The following ESCO2 variants were observed in gnomAD, a reference collection of about 807,000 sequenced individuals.
ESCO2 encodes the protein N-acetyltransferase ESCO2.
In ESCO2, 51 loss-of-function variants were observed where a neutral mutation model predicts 61.7. The ratio of observed to expected loss-of-function variants is 0.83; its 90% CI spans 0.66 to 1.04. The LOEUF (loss-of-function observed/expected upper bound fraction) is 1.04, where lower values mean the gene tolerates loss of function less well. Ranked by LOEUF, ESCO2 falls within the 50% of genes least tolerant of loss-of-function variation. The pLI is 0.00. For missense variants in ESCO2, 692 were observed against 686.2 expected (o/e 1.01, Z -0.09); for synonymous variants, 230 against 238.2 (o/e 0.97, Z 0.32).
downstream of ESCO2, chr8:27,810,847 G>T: frequency 4.1e-6 from 3 of 731,482 alleles, no homozygotes; most frequent in South Asian, 5.5e-5. Flanking sequence ...TTAAACCTTG[G>T]TGGTACCAAA....
Position 27,803,919 on chromosome 8 carries a change from T to G in ESCO2, c.*481T>G. 1.0e-6 allele frequency: 1 copy of G among 977,662 alleles called. No individual in the cohort carries two copies. Among genetic ancestry groups the G allele is most frequent in the Non-Finnish European group, 1.2e-6 (1 of 823,270 alleles). The allele number at this position is 977,662 out of a possible 1,614,324, so 60.6% of individuals were successfully genotyped here. A position where few individuals can be genotyped will look rare whatever the true frequency, so the allele number is the denominator to read the frequency against. On this transcript the variant is annotated 3_prime_UTR_variant, in exon 11 of 11. Coordinates refer to ENST00000305188, the MANE Select transcript of ESCO2 (RefSeq NM_001017420.3). ...GAATTCCTGAATTTTTTTTTTTTTTTAATAGAGGCATGGGTCTCACTGTGT... is the reference window on the plus strand; with the variant it reads ...GAATTCCTGAATTTTTTTTTTTTTTGAATAGAGGCATGGGTCTCACTGTGT...
At chr8:27,796,301 T>C (rs185496300) in intron 9 of ESCO2, among the ~76,000 whole-genome samples, 11 of 152,242 alleles carry the variant, frequency 7.2e-5, no homozygotes, top group Non-Finnish European at 1.0e-4. Flanking sequence ...ATTTGTGATT[T>C]TGTTTAGTTG....
In ESCO2 at chr8:27,803,519, CAAAAT is replaced by C; in HGVS notation, c.*86_*90del. On this transcript the variant is annotated 3_prime_UTR_variant, in exon 11 of 11. Transcript: ENST00000305188. ...TTATAAAATACAAACTATTTAATAT[CAAAAT>C]AAAAAATACCGAGACTCACACTCAT... 6 of 1,526,508 alleles carry C rather than the reference CAAAAT, an allele frequency of 3.9e-6. No individual in the cohort carries two copies. Among genetic ancestry groups the C allele is most frequent in the South Asian group, 1.2e-5 (1 of 85,016 alleles). 94.6% of individuals were successfully genotyped at this position (1,526,508 alleles called of 1,614,324 possible).
At chr8:27,783,347 T>C (rs952423691) in intron 4 of ESCO2, among the ~76,000 whole-genome samples, 25 of 152,340 alleles carry the variant, frequency 1.6e-4, no homozygotes, top group African/African-American at 5.8e-4. Context: ...CCATAAGCAT[T>C]CTTTATATAT....
chr8:27,776,607 A>T lies in ESCO2; in HGVS notation c.299A>T (p.Lys100Met). 1 of 1,614,138 alleles carries T rather than the reference A, an allele frequency of 6.2e-7. No homozygotes were observed. The highest frequency in any genetic ancestry group is 1.1e-5 in the South Asian group (1 of 91,078). Reference protein sequence around the residue: ...NKWYLNPLERKLIKESRSTCL... With the variant: ...NKWYLNPLERMLIKESRSTCL... ...TGGTACCTCAATCCACTGGAGAGAA[A>T]GCTGATAAAAGAGAGTAGATCTACT... is the stretch of plus-strand genomic sequence containing the variant. The change falls in exon 3 of 11, where the codon AAG becomes ATG. Residue 100 changes from lysine (K) to methionine (M), a missense_variant. Transcript: ENST00000305188.
chr8:27,810,857 A>G (rs1238780654), downstream of ESCO2: 1 of 769,606 alleles, frequency 1.3e-6, no homozygotes, highest in Non-Finnish European at 2.1e-6. Context: ...GTGGTACCAA[A>G]TCAGTCATCA....
downstream of ESCO2, among the ~76,000 whole-genome samples, chr8:27,805,497 T>C (rs959190224): frequency 6.6e-6 from 1 of 152,082 alleles, no homozygotes; most frequent in African/African-American, 2.4e-5. Flanking sequence ...TTGTCTTGGT[T>C]GGGTGTTTTT....
In ESCO2 at chr8:27,777,054, T is replaced by G; in HGVS notation, c.746T>G (p.Val249Gly). ...EVIEDSDVET[V>G]SEKKTFATRQ... Reference sequence around the variant, plus strand: ...ATTGAAGATTCTGATGTAGAGACTGTCAGTGAAAAAAAAACTTTTGCGACA... The same window carrying G: ...ATTGAAGATTCTGATGTAGAGACTGGCAGTGAAAAAAAAACTTTTGCGACA... Residue 249 changes from valine (V) to glycine (G), a missense_variant, in exon 3 of 11, where the codon GTC becomes GGC. Physicochemically the swap from Val to Gly is moderately radical, Grantham distance 109. Transcript: ENST00000305188. 1 of 1,607,666 alleles carries G rather than the reference T, an allele frequency of 6.2e-7. No homozygotes were observed. Among genetic ancestry groups the G allele is most frequent in the Non-Finnish European group, 8.5e-7 (1 of 1,178,572 alleles).
upstream of ESCO2, chr8:27,773,662 A>C (rs9644049): frequency 0.42 from 63,590 of 151,972 alleles, 13,640 homozygotes; most frequent in East Asian, 0.62. Context: ...CTTTGACAGC[A>C]TGTATACTAA....
chr8:27,778,214 TTCTCTAAGTCAGTGTATA>T (rs1189679020), intron 3 of ESCO2: 1 of 152,140 alleles, frequency 6.6e-6, no homozygotes, highest in East Asian at 1.9e-4. Flanking sequence ...GGTTCTTCAT[TTCTCTAAGTCAGTGTATA>T]TCTATCTATT....
At chr8:27,772,472 C>A, upstream of ESCO2, 2 of 1,545,022 alleles carry the variant, frequency 1.3e-6, no homozygotes, top group South Asian at 2.4e-5. Flanking sequence ...CTTCGGAGCC[C>A]GCTGTCCAGC....
At chr8:27,784,102 C>T in intron 5 of ESCO2, 45 bp downstream of exon 5, 2 of 1,570,472 alleles carry the variant, frequency 1.3e-6, no homozygotes, top group African/African-American at 1.3e-5. Flanking sequence ...GTAAATTATA[C>T]AGTTCCTCTG....
chr8:27,772,586 C>T (rs767015559), upstream of ESCO2: 14 of 1,540,734 alleles, frequency 9.1e-6, no homozygotes, highest in Non-Finnish European at 1.1e-5. Context: ...CAGCAGCGCT[C>T]AACTCACGAA....
chr8:27,801,992 T>TTTG (rs1491483663), intron 10 of ESCO2, among the ~76,000 whole-genome samples: 1 of 137,738 alleles, frequency 7.3e-6, no homozygotes, highest in East Asian at 2.3e-4. Context: ...TTTTTTTTTT[T>TTTG]GCCCAGTATC....
At chr8:27,789,012 G>T (rs1805113051) in intron 7 of ESCO2, 34 bp downstream of exon 7, 1 of 1,613,280 alleles carries the variant, frequency 6.2e-7, no homozygotes, top group African/African-American at 1.3e-5. Context: ...GTTTGTTCTA[G>T]AAGTAAAACT....
At chr8:27,783,275 G>A (rs886649879) in intron 4 of ESCO2, among the ~76,000 whole-genome samples, 1 of 151,984 alleles carries the variant, frequency 6.6e-6, no homozygotes, top group African/African-American at 2.4e-5. Context: ...TACATTTAAG[G>A]TTCATCCATG....
downstream of ESCO2, chr8:27,810,978 GA>G (rs751746598): frequency 1.9e-5 from 30 of 1,601,550 alleles, no homozygotes; most frequent in Non-Finnish European, 2.4e-5. Context: ...ATCATCATTT[GA>G]AAGATTAATG....
chr8:27,803,178 T>G (rs1451234265), intron 10 of ESCO2, 128 bp from the exon 11 acceptor site: 6 of 813,700 alleles, frequency 7.4e-6, no homozygotes, highest in Non-Finnish European at 1.2e-5. Flanking sequence ...GTCTCTAAAA[T>G]ATAAGGCATT....
chr8:27,786,784 C>G (rs1348634110), intron 5 of ESCO2, among the ~76,000 whole-genome samples: 1 of 105,740 alleles, frequency 9.5e-6, no homozygotes, highest in South Asian at 3.1e-4. Flanking sequence ...AATGCTCCAC[C>G]TTTTTTTTTT....
Sources: allele counts gnomAD v4.1 joint callset (sites outside exome capture counted in the v4.1 genomes callset), GRCh38; gene constraint gnomAD v4.1.1; transcripts MANE v1.5; gene names NCBI Gene and HGNC (gene_info 2026-07-23, HGNC 2026-07-21).